The following RAB3GAP2 variants were observed in gnomAD, a reference collection of about 807,000 sequenced individuals.
The protein encoded by RAB3GAP2 is RAB3 GTPase activating non-catalytic protein subunit 2.
RAB3GAP2 carries 87 observed loss-of-function variants against 185.3 expected under a neutral mutation model. The observed-to-expected ratio is 0.47, with a 90% CI of 0.39 to 0.56. RAB3GAP2 has a LOEUF of 0.56. Among genes scored for constraint, RAB3GAP2 ranks in the 20% least tolerant of loss-of-function variants. The pLI is 0.00. For synonymous variants in RAB3GAP2, 554 were observed against 576.1 expected (o/e 0.96, Z 0.55); for missense variants, 1,492 against 1,638.2 (o/e 0.91, Z 1.54).
intron 9 of RAB3GAP2, chr1:220,200,537 CT>C: frequency 1.9e-6 from 1 of 524,856 alleles, no homozygotes; most frequent in Non-Finnish European, 3.9e-6. Flanking sequence ...TTTATTGTAC[CT>C]TTTTTCATTT....
intron 1 of RAB3GAP2, among the ~76,000 whole-genome samples, chr1:220,260,042 C>A (rs1469437278): frequency 6.6e-6 from 1 of 152,058 alleles, no homozygotes; most frequent in Non-Finnish European, 1.5e-5. Flanking sequence ...CAATGAGATA[C>A]CATCTTATGC....
At chr1:220,224,651 T>C (rs770762221) in intron 2 of RAB3GAP2, among the ~76,000 whole-genome samples, 4 of 152,120 alleles carry the variant, frequency 2.6e-5, no homozygotes, top group Admixed American at 6.6e-5. Context: ...AAAAGAATTC[T>C]TTTTAAAGGC....
At position 220,171,003 on chromosome 1, in the gene RAB3GAP2, G is replaced by C; in HGVS notation, c.2695C>G (p.Leu899Val). 6 of 1,614,138 alleles carry C rather than the reference G, an allele frequency of 3.7e-6. No homozygotes were observed. Among genetic ancestry groups the C allele is most frequent in the Non-Finnish European group, 5.1e-6 (6 of 1,180,002 alleles). Residue 899 changes from leucine to valine, a missense_variant, in exon 24 of 35, where the codon CTT (leucine) becomes GTT (valine). Transcript: ENST00000358951. The part of the protein sequence containing the change: ...LLKQLEDCLI[L>V]QTLLHSKGNT... ...CCTTTGCTGTGAAGCAGAGTCTGAA[G>C]TATGAGACAATCCTCCAGCTGTTTC...
Position 220,182,878 on chromosome 1 carries a change from T to C in RAB3GAP2, c.2052A>G (p.Ala684=), listed in dbSNP as rs781514928. Residue 684 remains alanine (A), a synonymous_variant, in exon 20 of 35, where the codon GCA becomes GCG. Coordinates refer to ENST00000358951, the MANE Select transcript of RAB3GAP2 (RefSeq NM_012414.4). The part of the protein sequence containing the change: ...LDEKELLKLQ[A]LLEKYKQENT... ...TCTCTTGCTTATATTTCTCTAGTAA[T>C]GCCTGGAGCTTAAGCAGTTCTTTTT... 3 of 1,613,522 alleles carry C rather than the reference T, an allele frequency of 1.9e-6. No homozygotes were observed. The highest frequency in any genetic ancestry group is 2.2e-5 in the East Asian group (1 of 44,780).
rs952123117 is a variant in RAB3GAP2, at chr1:220,172,823, G to A, written c.2311-81C>T. 7.0e-6 allele frequency: 6 copies of A among 856,802 alleles called. No homozygotes were observed. The African/African-American group carries it at 1.0e-4, about 14-fold the overall frequency. The allele number at this position is 856,802 out of a possible 1,614,324, so 53.1% of individuals were successfully genotyped here. A position where few individuals can be genotyped will look rare whatever the true frequency, so the allele number is the denominator to read the frequency against. Reference sequence around the variant, plus strand: ...TCTTACACTTTCCTAGACAGCAGATGCATGCATATGGATGATGCAGCTTCT... The same window carrying A: ...TCTTACACTTTCCTAGACAGCAGATACATGCATATGGATGATGCAGCTTCT... On this transcript the variant is annotated intron_variant, in intron 21 of 34. Coordinates refer to ENST00000358951, the MANE Select transcript of RAB3GAP2 (RefSeq NM_012414.4).
intron 28 of RAB3GAP2, 68 bp from the exon 29 acceptor site, chr1:220,159,489 A>C (rs1430739083): frequency 1.7e-6 from 2 of 1,209,142 alleles, no homozygotes; most frequent in Non-Finnish European, 2.4e-6. Context: ...TATGGCACAA[A>C]TAATAAAAAG....
chr1:220,210,496 G>A lies in RAB3GAP2; in HGVS notation c.511-7C>T, dbSNP rs748684063. The A allele has an allele frequency of 6.4e-5, 103 of 1,608,042 alleles. No homozygotes were observed. Among genetic ancestry groups the A allele is most frequent in the Non-Finnish European group, 8.3e-5 (97 of 1,174,542 alleles). On this transcript the variant is annotated splice_region_variant and splice_polypyrimidine_tract_variant and intron_variant, in intron 6 of 34. Coordinates refer to ENST00000358951, the MANE Select transcript of RAB3GAP2 (RefSeq NM_012414.4). Reference sequence around the variant, plus strand: ...CAAGCAAGAGCACACCATTCTAGGAGGAAGCACAGAGAAGGGCCCTGCTTG... The same window carrying A: ...CAAGCAAGAGCACACCATTCTAGGAAGAAGCACAGAGAAGGGCCCTGCTTG...
intron 23 of RAB3GAP2, 81 bp from the exon 24 acceptor site, chr1:220,171,201 G>T (rs1658169683): frequency 1.7e-6 from 2 of 1,196,540 alleles, no homozygotes; most frequent in African/African-American, 3.0e-5. Flanking sequence ...CTTGAAAGCT[G>T]ATGGATACTG....
chr1:220,239,199 G>A (rs1659647177), intron 1 of RAB3GAP2, among the ~76,000 whole-genome samples: 3 of 152,018 alleles, frequency 2.0e-5, no homozygotes, highest in African/African-American at 7.2e-5. Flanking sequence ...TTATATTCAG[G>A]ATCCAAACCA....
rs1477585269 is a variant in RAB3GAP2 at position 220,202,212 on chromosome 1, T to C, written c.811+64A>G. The C allele has an allele frequency of 5.2e-6, 8 of 1,526,658 alleles. No individual in the cohort carries two copies. The South Asian group carries it at 7.3e-5, about 14-fold the overall frequency. The allele number at this position is 1,526,658 out of a possible 1,614,324, so 94.6% of individuals were successfully genotyped here. A position where few individuals can be genotyped will look rare whatever the true frequency, so the allele number is the denominator to read the frequency against. On this transcript the variant is annotated intron_variant, in intron 9 of 34. Coordinates refer to ENST00000358951, the MANE Select transcript of RAB3GAP2 (RefSeq NM_012414.4). ...AGAATAAATGCCCATTTCTAATAAA[T>C]GAGATACTTCAATAAAAAGTGTAAG...
chr1:220,200,776 T>C (rs1381655366), intron 9 of RAB3GAP2: 4 of 381,004 alleles, frequency 1.0e-5, no homozygotes, highest in African/African-American at 2.1e-5. Context: ...ATGCAGTAAA[T>C]AGAAAGATGG....
chr1:220,266,827 C>G (rs1660234448), intron 1 of RAB3GAP2: 1 of 1,597,062 alleles, frequency 6.3e-7, no homozygotes, highest in East Asian at 2.2e-5. Context: ...CATGCTTCAA[C>G]AGTCTTGAAA....
At chr1:220,226,587 T>C (rs955294571) in intron 2 of RAB3GAP2, among the ~76,000 whole-genome samples, 3 of 152,198 alleles carry the variant, frequency 2.0e-5, no homozygotes, top group Non-Finnish European at 4.4e-5. Flanking sequence ...ATCTTTGTTT[T>C]ACCTTTTCTT....
At chr1:220,209,165 T>A (rs1659031634) in intron 7 of RAB3GAP2, among the ~76,000 whole-genome samples, 1 of 152,228 alleles carries the variant, frequency 6.6e-6, no homozygotes, top group Non-Finnish European at 1.5e-5. Flanking sequence ...GAAAGAAATC[T>A]TCAATATTCC....
At chr1:220,211,284 T>G (rs1310240732) in intron 4 of RAB3GAP2, 2 of 575,768 alleles carry the variant, frequency 3.5e-6, no homozygotes, top group Non-Finnish European at 6.6e-6. Flanking sequence ...AAAACTTTAC[T>G]TACACAACTG....
intron 26 of RAB3GAP2, among the ~76,000 whole-genome samples, chr1:220,166,881 T>C (rs1241642884): frequency 6.6e-6 from 1 of 152,226 alleles, no homozygotes; most frequent in Non-Finnish European, 1.5e-5. Flanking sequence ...ATATTAAGAA[T>C]ATTGTGTTCG....
chr1:220,179,057 A>C (rs1658349367), intron 21 of RAB3GAP2, among the ~76,000 whole-genome samples: 1 of 152,174 alleles, frequency 6.6e-6, no homozygotes, highest in Non-Finnish European at 1.5e-5. Context: ...ATTCCATAAA[A>C]ATGAAAACCA....
chr1:220,256,798 A>T (rs557203841), intron 1 of RAB3GAP2, among the ~76,000 whole-genome samples: 1 of 152,324 alleles, frequency 6.6e-6, no homozygotes, highest in Admixed American at 6.5e-5. Context: ...CCACACAATA[A>T]TAGTGGGAGA....
rs1658612715 is a variant in RAB3GAP2 at position 220,191,210 on chromosome 1, A to T, written c.1345T>A (p.Phe449Ile). ...LHERVPEKAD[F>I]SPFGNSQGPS... Reference sequence around the variant, plus strand: ...CCCTGAGAATTTCCAAAGGGGGAAAAATCTGCCTTTTCTGGCACTCTTTCA... The same window carrying T: ...CCCTGAGAATTTCCAAAGGGGGAAATATCTGCCTTTTCTGGCACTCTTTCA... The change falls in exon 14 of 35, where the codon TTT (phenylalanine) becomes ATT (isoleucine). Residue 449 changes from phenylalanine to isoleucine, a missense_variant. Around this residue, in one of 5 missense-constraint regions of RAB3GAP2, gnomAD observed 681 missense variants for 689.1 expected, o/e 0.99. Transcript: ENST00000358951. 1 of 1,613,804 alleles carries T rather than the reference A, an allele frequency of 6.2e-7. No homozygotes were observed. The highest frequency in any genetic ancestry group is 1.3e-5 in the African/African-American group (1 of 74,948).
Sources: allele counts gnomAD v4.1 joint callset (sites outside exome capture counted in the v4.1 genomes callset), GRCh38; gene constraint gnomAD v4.1.1; regional missense constraint gnomAD v4.1.1; transcripts MANE v1.5; gene names NCBI Gene and HGNC (gene_info 2026-07-23, HGNC 2026-07-21).